PDZRN4: variants seen among roughly 807,000 people sequenced by gnomAD.
PDZRN4 encodes the protein PDZ domain-containing RING finger protein 4.
A neutral mutation model predicts 99.0 loss-of-function variants in PDZRN4; 70 were observed. The observed-to-expected ratio is 0.71, with a 90% CI of 0.58 to 0.86. The LOEUF (loss-of-function observed/expected upper bound fraction) is 0.86, where lower values mean the gene tolerates loss of function less well. Ranked by LOEUF, PDZRN4 falls within the 40% of genes least tolerant of loss-of-function variation. The probability of loss-of-function intolerance (pLI) is 0.00; values close to 1 mark genes in which losing one functional copy is unlikely to be tolerated. For missense variants in PDZRN4, 1,474 were observed against 1,331.2 expected, an observed-to-expected ratio of 1.11 and a Z score of -1.67; for synonymous variants, 551 against 501.6, an observed-to-expected ratio of 1.10 and a Z score of -1.32.
intron 3 of PDZRN4, among the ~76,000 whole-genome samples, chr12:41,239,043 G>T (rs1273252379): frequency 6.6e-6 from 1 of 152,116 alleles, no homozygotes. Flanking sequence ...ATTCACAATA[G>T]CAAAGACATA....
At chr12:41,227,927 G>A (rs1258686491) in intron 3 of PDZRN4, among the ~76,000 whole-genome samples, 3 of 149,248 alleles carry the variant, frequency 2.0e-5, no homozygotes, top group African/African-American at 7.5e-5. Flanking sequence ...ACACCAGAAG[G>A]GTTGAAATGG....
At chr12:41,209,470 A>G (rs1169158617) in intron 3 of PDZRN4, among the ~76,000 whole-genome samples, 4 of 151,358 alleles carry the variant, frequency 2.6e-5, no homozygotes, top group Non-Finnish European at 2.9e-5. Flanking sequence ...AACATTAGGT[A>G]TATCTCCTAA....
At chr12:41,242,933 T>C (rs1951110223) in intron 3 of PDZRN4, among the ~76,000 whole-genome samples, 1 of 152,228 alleles carries the variant, frequency 6.6e-6, no homozygotes, top group South Asian at 2.1e-4. Context: ...CATCTTTTTC[T>C]TAATAAACTT....
At chr12:41,283,944 T>A (rs2120892031) in intron 3 of PDZRN4, among the ~76,000 whole-genome samples, 1 of 152,296 alleles carries the variant, frequency 6.6e-6, no homozygotes, top group South Asian at 2.1e-4. Context: ...CTTTGAAAAC[T>A]GGCACAAGAC....
chr12:41,282,042 C>T (rs1000699342), intron 3 of PDZRN4, among the ~76,000 whole-genome samples: 8 of 151,970 alleles, frequency 5.3e-5, no homozygotes, highest in Non-Finnish European at 8.8e-5. Flanking sequence ...TAAATGTAAC[C>T]GTGCTAAATG....
chr12:41,232,955 G>A (rs1453179783), intron 3 of PDZRN4, among the ~76,000 whole-genome samples: 1 of 152,036 alleles, frequency 6.6e-6, no homozygotes, highest in Non-Finnish European at 1.5e-5. Flanking sequence ...TTTTTGTCAG[G>A]TTTGTCAAAG....
intron 3 of PDZRN4, among the ~76,000 whole-genome samples, chr12:41,368,312 C>G (rs1952016907): frequency 6.6e-6 from 1 of 152,024 alleles, no homozygotes; most frequent in Non-Finnish European, 1.5e-5. Flanking sequence ...TAGTCCCACT[C>G]TGTTGAGCAT....
chr12:41,363,000 T>C (rs1427239445), intron 3 of PDZRN4, among the ~76,000 whole-genome samples: 2 of 152,124 alleles, frequency 1.3e-5, no homozygotes, highest in African/African-American at 4.8e-5. Context: ...ACACAAGATT[T>C]GGGCCTTAGG....
At chr12:41,355,347 C>A (rs1951919640) in intron 3 of PDZRN4, among the ~76,000 whole-genome samples, 1 of 151,920 alleles carries the variant, frequency 6.6e-6, no homozygotes, top group South Asian at 2.1e-4. Context: ...TTAGGATGGG[C>A]CCTACCCTTT....
chr12:41,573,068 G>C lies in PDZRN4; in HGVS notation c.2289G>C (p.Val763=). ...DRSPDSSLPR[V]INLTNKKNLR... ...CCCCTGACAGTTCCCTTCCAAGGGT[G>C]ATCAACCTCACCAATAAGAAAAACC... Residue 763 remains valine (V), a synonymous_variant, in exon 10 of 10, where the codon GTG becomes GTC. Coordinates refer to ENST00000402685, the MANE Select transcript of PDZRN4 (RefSeq NM_001164595.2). The C allele has an allele frequency of 1.2e-6, 2 of 1,614,124 alleles. No individual in the cohort carries two copies. The highest frequency in any genetic ancestry group is 1.7e-6 in the Non-Finnish European group (2 of 1,179,998).
chr12:41,322,354 G>A (rs1181632219), intron 3 of PDZRN4, among the ~76,000 whole-genome samples: 4 of 151,902 alleles, frequency 2.6e-5, no homozygotes, highest in African/African-American at 4.8e-5. Context: ...TAGACTTTGA[G>A]GATTCCTACT....
chr12:41,485,690 A>C lies in PDZRN4; in HGVS notation c.844-20766A>C, dbSNP rs73130651. On this transcript the variant is annotated intron_variant, in intron 3 of 9. Transcript: ENST00000402685. ...GGATTTAAAAATCTATGATAATTAT[A>C]GCAAACTATTTTAAATAAATAAACG... Among the ~76,000 whole-genome samples the C allele has an allele frequency of 3.8e-3, 585 of 152,342 alleles. 2 individuals are homozygous for C. The highest frequency in any genetic ancestry group is 0.01 in the Middle Eastern group (3 of 294).
intron 3 of PDZRN4, among the ~76,000 whole-genome samples, chr12:41,261,044 T>C (rs1296284677): frequency 6.6e-6 from 1 of 152,198 alleles, no homozygotes; most frequent in Non-Finnish European, 1.5e-5. Flanking sequence ...TGCAGAAAGA[T>C]GCACTATATT....
chr12:41,328,684 G>A (rs1241885730), intron 3 of PDZRN4, among the ~76,000 whole-genome samples: 1 of 152,128 alleles, frequency 6.6e-6, no homozygotes, highest in African/African-American at 2.4e-5. Context: ...CAGCATGGAG[G>A]ATGGTGCTGC....
chr12:41,203,139 GA>G lies in PDZRN4; in HGVS notation c.843+8960del, dbSNP rs1321264569. ...TAATAGGCTTTTGTTACGGAAGGTT[GA>G]AAAAAAAACCTGTTATTGATTGGAA... On this transcript the variant is annotated intron_variant, in intron 3 of 9. Transcript: ENST00000402685. Among the ~76,000 whole-genome samples, 5 of 150,514 alleles carry G rather than the reference GA, an allele frequency of 3.3e-5. No homozygotes were observed. The South Asian group carries it at 8.4e-4, about 25-fold the overall frequency.
At chr12:41,458,153 C>CT (rs1472871843) in intron 3 of PDZRN4, among the ~76,000 whole-genome samples, 1 of 152,070 alleles carries the variant, frequency 6.6e-6, no homozygotes, top group Non-Finnish European at 1.5e-5. Context: ...AGGAGAGTGA[C>CT]TTTTTTTGTG....
At chr12:41,327,441 A>G (rs977434424) in intron 3 of PDZRN4, among the ~76,000 whole-genome samples, 2 of 152,210 alleles carry the variant, frequency 1.3e-5, no homozygotes, top group African/African-American at 4.8e-5. Context: ...GGAAACTGTT[A>G]TCACTGCTAG....
intron 3 of PDZRN4, among the ~76,000 whole-genome samples, chr12:41,269,491 A>C (rs1222193247): frequency 6.6e-6 from 1 of 152,304 alleles, no homozygotes; most frequent in East Asian, 1.9e-4. Flanking sequence ...TCCCAATTAC[A>C]AGGAAAAAAA....
chr12:41,291,348 C>T (rs1430740102), intron 3 of PDZRN4, among the ~76,000 whole-genome samples: 1 of 152,084 alleles, frequency 6.6e-6, no homozygotes, highest in Non-Finnish European at 1.5e-5. Context: ...TAGGTGAAGG[C>T]CTTCGTGAGC....
Sources: gnomAD v4.1 joint callset for allele counts (sites outside exome capture counted in the v4.1 genomes callset) on GRCh38, gnomAD v4.1.1 for gene constraint, MANE v1.5 for transcripts, NCBI Gene and HGNC (gene_info 2026-07-23, HGNC 2026-07-21) for gene names.